The following FLCN variants were observed in gnomAD, a reference collection of about 807,000 sequenced individuals.
FLCN encodes the protein BHD skin lesion fibrofolliculoma protein.
Under a neutral mutation model 62.5 loss-of-function variants are expected in FLCN, and 22 were observed. The observed-to-expected ratio is 0.35, with a 90% CI of 0.25 to 0.50. FLCN has a LOEUF of 0.50. Among genes scored for constraint, FLCN ranks in the 20% least tolerant of loss-of-function variants. The pLI is 0.97. For missense variants in FLCN, 657 were observed against 778.0 expected, an observed-to-expected ratio of 0.84 and a Z score of 1.85; for synonymous variants, 319 against 310.0, an observed-to-expected ratio of 1.03 and a Z score of -0.30.
Position 17,225,936 on chromosome 17 carries a change from C to T in FLCN, c.396+240G>A, listed in dbSNP as rs544014463. On this transcript the variant is annotated intron_variant, in intron 5 of 13. Coordinates refer to ENST00000285071, the MANE Select transcript of FLCN (RefSeq NM_144997.7). ...AAAGAAAGGACAAATAATAAAAGTT[C>T]GGTGCTTAAAGTGCAAAAGCTAGCA... 9.0e-5 allele frequency: 58 copies of T among 646,044 alleles called. 2 individuals are homozygous for T. The highest frequency in any genetic ancestry group is 5.2e-4 in the South Asian group (30 of 58,100). 40.0% of individuals were successfully genotyped at this position (646,044 alleles called of 1,614,324 possible). A position where few individuals can be genotyped will look rare whatever the true frequency, so the allele number is the denominator to read the frequency against.
At chr17:17,222,790 G>C (rs2047135656) in intron 6 of FLCN, 129 bp from the exon 7 acceptor site, 2 of 1,100,106 alleles carry the variant, frequency 1.8e-6, no homozygotes, top group Non-Finnish European at 2.7e-6. Context: ...TCTCCATGCA[G>C]AGCACACAAA....
intron 5 of FLCN, chr17:17,225,693 C>T (rs908999411): frequency 6.7e-5 from 15 of 222,662 alleles, no homozygotes; most frequent in Non-Finnish European, 1.1e-4. Context: ...CCTGGGCAAC[C>T]GAGTGAGACT....
At chr17:17,213,992 G>T in intron 13 of FLCN, 136 bp from the exon 14 acceptor site, 1 of 957,074 alleles carries the variant, frequency 1.0e-6, no homozygotes, top group Non-Finnish European at 1.6e-6. Flanking sequence ...ACACCCTTGG[G>T]GCAGCAGGCT....
chr17:17,231,270 T>C (rs1441351265), intron 3 of FLCN, among the ~76,000 whole-genome samples: 3 of 152,202 alleles, frequency 2.0e-5, no homozygotes, highest in Non-Finnish European at 4.4e-5. Context: ...TCACCGGCCA[T>C]GTCCTGAGTG....
rs1597591875 is a variant in FLCN, at chr17:17,219,133, ACT to A, written c.946_947del (p.Ser316TyrfsTer73). 4.3e-6 allele frequency: 7 copies of A among 1,613,966 alleles called. No homozygotes were observed. The highest frequency in any genetic ancestry group is 1.1e-5 in the South Asian group (1 of 91,066). On this transcript the variant is annotated frameshift_variant, in exon 9 of 14. Coordinates refer to ENST00000285071, the MANE Select transcript of FLCN (RefSeq NM_144997.7). LOFTEE classifies it high-confidence loss of function. ...EEEKAPVLPESTEGRELTQGP... is the reference protein window; with the variant it reads ...EEEKAPVLPEXTEGRELTQGP... ...CCTGGGTCAGCTCCCGCCCTTCTGT[ACT>A]CTCTGGCAACACAGGGGCTTTCTCC...
rs1035720677 is a variant in FLCN, at chr17:17,212,522, C to G, written c.*1133G>C. 6.0e-6 allele frequency: 1 copy of G among 166,082 alleles called. No homozygotes were observed. The highest frequency in any genetic ancestry group is 1.3e-5 in the Non-Finnish European group (1 of 77,846). 10.3% of individuals were successfully genotyped at this position (166,082 alleles called of 1,614,324 possible). ...AAAAAGGGCCAGGCACAGTGGCTCA[C>G]GCTTGTAATCCCAGCACTTTGGGAG... On this transcript the variant is annotated 3_prime_UTR_variant, in exon 14 of 14. Transcript: ENST00000285071.
chr17:17,225,648 T>C (rs747040521), intron 5 of FLCN: 14 of 180,596 alleles, frequency 7.8e-5, no homozygotes, highest in Admixed American at 7.3e-4. Flanking sequence ...AGGGTGGAGG[T>C]TGCAGTAAGC....
chr17:17,214,392 A>G (rs377669507), intron 13 of FLCN, among the ~76,000 whole-genome samples: 2 of 152,032 alleles, frequency 1.3e-5, no homozygotes, highest in Non-Finnish European at 2.9e-5. Context: ...TCAGGAGTTC[A>G]AGACCAGCCT....
chr17:17,223,781 CAA>C lies in FLCN; in HGVS notation c.618+139_618+140del, dbSNP rs1329460865. 1.0e-5 allele frequency: 9 copies of C among 869,246 alleles called. No homozygotes were observed. The African/African-American group carries it at 1.5e-4, about 14-fold the overall frequency. 53.8% of individuals were successfully genotyped at this position (869,246 alleles called of 1,614,324 possible). A position where few individuals can be genotyped will look rare whatever the true frequency, so the allele number is the denominator to read the frequency against. On this transcript the variant is annotated intron_variant, in intron 6 of 13. Transcript: ENST00000285071. The stretch of plus-strand genomic sequence containing the variant: ...TCCTCACGACCTCCAGCTCTGAAGC[CAA>C]GAGACTACAATTCACACAGTGCACT...
At chr17:17,233,393 C>G (rs182242759) in intron 1 of FLCN, among the ~76,000 whole-genome samples, 2 of 151,830 alleles carry the variant, frequency 1.3e-5, no homozygotes, top group Admixed American at 6.6e-5. Context: ...GTCAGGAGAT[C>G]GAGACCATCC....
chr17:17,227,048 G>A (rs1268330022), intron 4 of FLCN, among the ~76,000 whole-genome samples: 1 of 152,302 alleles, frequency 6.6e-6, no homozygotes, highest in East Asian at 1.9e-4. Context: ...CAGGTCTGAG[G>A]TGCTCCCCAT....
At chr17:17,225,326 C>T (rs1188483519) in intron 5 of FLCN, 2 of 152,856 alleles carry the variant, frequency 1.3e-5, no homozygotes, top group Non-Finnish European at 2.9e-5. Flanking sequence ...GCGGCTCACA[C>T]CTGTAATCCT....
At position 17,216,236 on chromosome 17, in the gene FLCN, G is replaced by A. The variant is rs538464887; in HGVS notation, c.1300+144C>T. ...CGCTACCTGTGTGAAGATAGAACAC[G>A]GAGGCCCAGAGCCATGGGGGAAGCT... On this transcript the variant is annotated intron_variant, in intron 11 of 13. Transcript: ENST00000285071. The surrounding 1 kb of genome is among the most constrained non-coding windows in gnomAD (Gnocchi z 4.0). The A allele has an allele frequency of 1.3e-5, 16 of 1,233,554 alleles. No homozygotes were observed. The highest frequency in any genetic ancestry group is 9.0e-5 in the African/African-American group (6 of 66,888). The allele number at this position is 1,233,554 out of a possible 1,614,324, so 76.4% of individuals were successfully genotyped here.
intron 1 of FLCN, among the ~76,000 whole-genome samples, chr17:17,234,773 C>T (rs1210592042): frequency 4.0e-5 from 6 of 148,482 alleles, no homozygotes; most frequent in Non-Finnish European, 8.9e-5. Flanking sequence ...GTCAGGAGTT[C>T]GAGACCAGCC....
intron 6 of FLCN, 149 bp from the exon 7 acceptor site, chr17:17,222,810 G>T: frequency 1.1e-6 from 1 of 871,802 alleles, no homozygotes; most frequent in Non-Finnish European, 1.9e-6. Flanking sequence ...AGTGCCACCA[G>T]TCCAATCATT....
At chr17:17,230,499 G>A (rs764675211) in intron 3 of FLCN, among the ~76,000 whole-genome samples, 4 of 150,742 alleles carry the variant, frequency 2.7e-5, no homozygotes, top group Non-Finnish European at 4.4e-5. Context: ...CACGGCACTC[G>A]AGCCTGGGCA....
chr17:17,222,747 C>T (rs2047134525), intron 6 of FLCN, 86 bp from the exon 7 acceptor site: 1 of 1,504,066 alleles, frequency 6.6e-7, no homozygotes. Flanking sequence ...AACTCCAGGA[C>T]CTGACTCCTG....
rs753491072 is a variant in FLCN, at chr17:17,219,126, C to G, written c.955G>C (p.Gly319Arg). ...KAPVLPESTE[G>R]RELTQGPAES... Reference sequence around the variant, plus strand: ...GCCGGGCCCTGGGTCAGCTCCCGCCCTTCTGTACTCTCTGGCAACACAGGG... The same window carrying G: ...GCCGGGCCCTGGGTCAGCTCCCGCCGTTCTGTACTCTCTGGCAACACAGGG... The change falls in exon 9 of 14, where the codon GGG becomes CGG. Residue 319 changes from glycine (G) to arginine (R), a missense_variant. Transcript: ENST00000285071. 1.4e-5 allele frequency: 23 copies of G among 1,614,126 alleles called. No individual in the cohort carries two copies. The highest frequency in any genetic ancestry group is 3.3e-5 in the Admixed American group (2 of 60,008).
At chr17:17,218,933 G>A in intron 9 of FLCN, 86 bp downstream of exon 9, 1 of 1,472,308 alleles carries the variant, frequency 6.8e-7, no homozygotes, top group Non-Finnish European at 9.3e-7. Context: ...GAAGGTGGAG[G>A]GTCCAGAGGC....
Sources: gnomAD v4.1 joint callset for allele counts (sites outside exome capture counted in the v4.1 genomes callset) on GRCh38, gnomAD v4.1.1 for gene constraint, Gnocchi (gnomAD v3.1) non-coding constraint, MANE v1.5 for transcripts, NCBI Gene and HGNC (gene_info 2026-07-23, HGNC 2026-07-21) for gene names.